AOPEP: variants seen among roughly 807,000 people sequenced by gnomAD.
The protein encoded by AOPEP is aminopeptidase O.
AOPEP carries 77 observed loss-of-function variants against 98.1 expected under a neutral mutation model. The observed-to-expected ratio is 0.78, with a 90% CI of 0.65 to 0.95. AOPEP has a LOEUF of 0.95. Ranked by LOEUF, AOPEP falls within the 40% of genes least tolerant of loss-of-function variation. The pLI is 0.00. For missense variants in AOPEP, 1,024 were observed against 1,024.7 expected (o/e 1.00, Z 0.01); for synonymous variants, 346 against 365.3 (o/e 0.95, Z 0.60).
the AOPEP span, among the ~76,000 whole-genome samples, chr9:95,139,517 C>G: frequency 6.6e-6 from 1 of 152,050 alleles, no homozygotes; most frequent in South Asian, 2.1e-4. Context: ...CAGTGTGCAC[C>G]CACGGGGATG....
At chr9:94,870,938 G>C (rs774895199) in intron 5 of AOPEP, among the ~76,000 whole-genome samples, 5 of 152,204 alleles carry the variant, frequency 3.3e-5, no homozygotes, top group African/African-American at 4.8e-5. Context: ...TCTCTGCCCT[G>C]ATTGGACTAG....
the AOPEP span, chr9:95,149,922 C>A: frequency 6.3e-7 from 1 of 1,596,762 alleles, no homozygotes; most frequent in East Asian, 2.2e-5. Flanking sequence ...TTGCCACTTA[C>A]AGCAAAATGG....
At chr9:94,840,616 A>G (rs1029018467) in intron 5 of AOPEP, among the ~76,000 whole-genome samples, 2 of 152,216 alleles carry the variant, frequency 1.3e-5, no homozygotes, top group Non-Finnish European at 2.9e-5. Flanking sequence ...TCACATGTGA[A>G]ACCTGGGCCT....
intron 14 of AOPEP, among the ~76,000 whole-genome samples, chr9:95,073,401 A>T (rs1226341291): frequency 6.6e-6 from 1 of 151,914 alleles, no homozygotes; most frequent in Non-Finnish European, 1.5e-5. Context: ...TCCGGGAGTC[A>T]AGACACAGTG....
intron 2 of AOPEP, among the ~76,000 whole-genome samples, chr9:94,761,943 A>G (rs1398935008): frequency 6.7e-6 from 1 of 149,710 alleles, no homozygotes; most frequent in Non-Finnish European, 1.5e-5. Flanking sequence ...ATATTTAACT[A>G]GGAAATTATA....
At chr9:95,015,468 A>G (rs1431638844) in intron 13 of AOPEP, among the ~76,000 whole-genome samples, 4 of 152,344 alleles carry the variant, frequency 2.6e-5, no homozygotes, top group East Asian at 1.9e-4. Flanking sequence ...ACAATTTACA[A>G]TTTTTATTTG....
chr9:94,776,714 A>G (rs1842185375), intron 3 of AOPEP, among the ~76,000 whole-genome samples: 1 of 152,198 alleles, frequency 6.6e-6, no homozygotes, highest in African/African-American at 2.4e-5. Flanking sequence ...TATTTACTCC[A>G]TTATCCTTCC....
At chr9:94,745,962 T>A (rs1446293712) in intron 1 of AOPEP, among the ~76,000 whole-genome samples, 4 of 152,254 alleles carry the variant, frequency 2.6e-5, no homozygotes, top group Non-Finnish European at 2.9e-5. Context: ...TTCATAGTGG[T>A]TGTGCTAATT....
At chr9:95,106,749 C>T in the AOPEP span, among the ~76,000 whole-genome samples, 2 of 152,204 alleles carry the variant, frequency 1.3e-5, no homozygotes, top group Non-Finnish European at 2.9e-5. Context: ...AGGAGGAGAG[C>T]AGCACACTGC....
the AOPEP span, among the ~76,000 whole-genome samples, chr9:95,148,804 AATTTC>A: frequency 1.3e-5 from 2 of 152,250 alleles, no homozygotes; most frequent in Non-Finnish European, 2.9e-5. Flanking sequence ...TAACTGACAT[AATTTC>A]AGATTCCACA....
intron 14 of AOPEP, among the ~76,000 whole-genome samples, chr9:95,076,624 A>G (rs1444567260): frequency 1.3e-5 from 2 of 152,240 alleles, no homozygotes; most frequent in African/African-American, 4.8e-5. Context: ...GTACAGAGGA[A>G]TGCAATCCAT....
At chr9:95,047,944 A>G (rs1341284023) in intron 13 of AOPEP, among the ~76,000 whole-genome samples, 1 of 152,146 alleles carries the variant, frequency 6.6e-6, no homozygotes, top group Admixed American at 6.5e-5. Flanking sequence ...GAATTGTATA[A>G]ATTGTTTATT....
At chr9:94,798,315 A>T (rs1486890423) in intron 4 of AOPEP, among the ~76,000 whole-genome samples, 1 of 152,180 alleles carries the variant, frequency 6.6e-6, no homozygotes, top group African/African-American at 2.4e-5. Flanking sequence ...TCACACAACT[A>T]GAATCATCTT....
intron 9 of AOPEP, among the ~76,000 whole-genome samples, chr9:94,958,042 C>T (rs1436101885): frequency 7.2e-5 from 11 of 151,772 alleles, no homozygotes; most frequent in Non-Finnish European, 1.6e-4. Flanking sequence ...TCATGATAAC[C>T]CTCCATTCTT....
chr9:94,910,198 C>G (rs767851760), intron 5 of AOPEP, among the ~76,000 whole-genome samples: 1 of 152,204 alleles, frequency 6.6e-6, no homozygotes, highest in Non-Finnish European at 1.5e-5. Context: ...TTAGAAGCAG[C>G]CGGTTCTCCT....
intron 7 of AOPEP, among the ~76,000 whole-genome samples, chr9:94,949,807 T>G (rs1589046842): frequency 2.0e-5 from 3 of 152,270 alleles, no homozygotes; most frequent in Admixed American, 6.5e-5. Context: ...ATTCCTGTGC[T>G]TTCATCATTC....
At chr9:94,875,347 G>GAAAAAAAAAAAA (rs71366265) in intron 5 of AOPEP, among the ~76,000 whole-genome samples, 10 of 71,510 alleles carry the variant, frequency 1.4e-4, no homozygotes, top group African/African-American at 3.3e-4. Flanking sequence ...AATTGAGCAA[G>GAAAAAAAAAAAA]AAAAAAAAAA....
At position 95,055,087 on chromosome 9, in the gene AOPEP, T is replaced by C. The variant is rs528528169; in HGVS notation, c.2116-5607T>C. ...TTTCAGCAGCAATTCAAACCAATTGTATTTTTCCATTATACAAATTACTAA... is the reference window on the plus strand; with the variant it reads ...TTTCAGCAGCAATTCAAACCAATTGCATTTTTCCATTATACAAATTACTAA... On this transcript the variant is annotated intron_variant, in intron 13 of 16. Transcript: ENST00000375315. Among the ~76,000 whole-genome samples the C allele has an allele frequency of 1.9e-4, 29 of 152,380 alleles. 1 individual carries two copies. The South Asian group carries it at 5.4e-3, about 28-fold the overall frequency.
intron 14 of AOPEP, among the ~76,000 whole-genome samples, chr9:95,061,521 A>G (rs1230067376): frequency 1.3e-5 from 2 of 152,222 alleles, no homozygotes; most frequent in African/African-American, 4.8e-5. Context: ...TGTGGCTGTT[A>G]AACACTTAAA....
Sources: allele counts gnomAD v4.1 joint callset (sites outside exome capture counted in the v4.1 genomes callset), GRCh38; gene constraint gnomAD v4.1.1; transcripts MANE v1.5; gene names NCBI Gene and HGNC (gene_info 2026-07-23, HGNC 2026-07-21).